The following DPYS variants were observed in gnomAD, a reference collection of about 807,000 sequenced individuals.
DPYS encodes dihydropyrimidine amidohydrolase.
In DPYS, 39 loss-of-function variants were observed where a neutral mutation model predicts 50.3. The observed-to-expected ratio is 0.78, with a 90% CI of 0.60 to 1.01. The LOEUF is 1.01. DPYS is among the 50% of genes least tolerant of loss of function. The probability of loss-of-function intolerance (pLI) is 0.00; values close to 1 mark genes in which losing one functional copy is unlikely to be tolerated. For missense variants in DPYS, 659 were observed against 680.9 expected (o/e 0.97, Z 0.36); for synonymous variants, 245 against 250.7 (o/e 0.98, Z 0.22).
intron 1 of DPYS, among the ~76,000 whole-genome samples, chr8:104,452,321 A>G (rs1360675619): frequency 6.6e-6 from 1 of 152,224 alleles, no homozygotes; most frequent in African/African-American, 2.4e-5. Context: ...TATTCAAACA[A>G]TGTAGGTGAA....
At chr8:104,462,326 G>C (rs913178383) in intron 1 of DPYS, among the ~76,000 whole-genome samples, 3 of 152,086 alleles carry the variant, frequency 2.0e-5, no homozygotes, top group Admixed American at 6.5e-5. Flanking sequence ...TTTGCAACCA[G>C]GGTTTTTGAA....
Position 104,467,046 on chromosome 8 carries a change from C to A in DPYS, c.-126G>T. 2 of 1,219,376 alleles carry A rather than the reference C, an allele frequency of 1.6e-6. No individual in the cohort carries two copies. The highest frequency in any genetic ancestry group is 2.1e-6 in the Non-Finnish European group (2 of 940,472). The allele number at this position is 1,219,376 out of a possible 1,614,324, so 75.5% of individuals were successfully genotyped here. ...GACAGCCCCCGAGCTCTGCCTCAGGCTGCAAATCCGGAGCCCGGCGGCCTG... is the reference window on the plus strand; with the variant it reads ...GACAGCCCCCGAGCTCTGCCTCAGGATGCAAATCCGGAGCCCGGCGGCCTG... On this transcript the variant is annotated 5_prime_UTR_variant, in exon 1 of 10. Coordinates refer to ENST00000351513, the MANE Select transcript of DPYS (RefSeq NM_001385.3).
chr8:104,436,160 AAC>A (rs1813138257), intron 4 of DPYS, among the ~76,000 whole-genome samples: 1 of 152,216 alleles, frequency 6.6e-6, no homozygotes, highest in South Asian at 2.1e-4. Context: ...AAGTTCAGGA[AAC>A]AGACACGCTT....
intron 7 of DPYS, among the ~76,000 whole-genome samples, chr8:104,405,333 C>T (rs1435466535): frequency 6.6e-6 from 1 of 152,222 alleles, no homozygotes; most frequent in Non-Finnish European, 1.5e-5. Flanking sequence ...CAGGTTGACG[C>T]TGACCCCACT....
chr8:104,401,033 T>C (rs1228389733), intron 7 of DPYS, among the ~76,000 whole-genome samples: 2 of 152,162 alleles, frequency 1.3e-5, no homozygotes, highest in Non-Finnish European at 2.9e-5. Context: ...CCTAGAGTAA[T>C]GTGGGTCTCC....
At chr8:104,448,247 C>T (rs1433214044) in intron 2 of DPYS, among the ~76,000 whole-genome samples, 2 of 151,924 alleles carry the variant, frequency 1.3e-5, no homozygotes, top group Non-Finnish European at 2.9e-5. Flanking sequence ...CCTCCACCTC[C>T]CAGATTCAAG....
intron 4 of DPYS, among the ~76,000 whole-genome samples, chr8:104,434,103 A>G (rs1359002425): frequency 6.6e-6 from 1 of 152,194 alleles, no homozygotes; most frequent in African/African-American, 2.4e-5. Context: ...TGTAAGCTAT[A>G]CATTGTTCTG....
chr8:104,458,955 T>C (rs1814024188), intron 1 of DPYS, among the ~76,000 whole-genome samples: 1 of 152,254 alleles, frequency 6.6e-6, no homozygotes, highest in Admixed American at 6.5e-5. Flanking sequence ...TAAAAATGAT[T>C]ACATTTTGTT....
At chr8:104,458,770 G>C (rs987730733) in intron 1 of DPYS, among the ~76,000 whole-genome samples, 23 of 152,162 alleles carry the variant, frequency 1.5e-4, no homozygotes, top group Non-Finnish European at 1.3e-4. Context: ...TGGCCCTGTA[G>C]TTTCCTAGAT....
In DPYS at chr8:104,466,763, T is replaced by C. The variant is rs1288281279; in HGVS notation, c.158A>G (p.Asp53Gly). 2 of 1,534,400 alleles carry C rather than the reference T, an allele frequency of 1.3e-6. No homozygotes were observed. Among genetic ancestry groups the C allele is most frequent in the Non-Finnish European group, 1.7e-6 (2 of 1,145,756 alleles). The change falls in exon 1 of 10, where the codon GAC becomes GGC. Residue 53 changes from aspartate to glycine, a missense_variant. Asp to Gly is a moderately conservative substitution (Grantham distance 94). Transcript: ENST00000351513. ...GGAPAGLRVL[D>G]AAGKLVLPGG... ...GGGCAGGACGAGCTTGCCGGCGGCGTCGAGGACCCGCAGCCCCGCAGGAGC... is the reference window on the plus strand; with the variant it reads ...GGGCAGGACGAGCTTGCCGGCGGCGCCGAGGACCCGCAGCCCCGCAGGAGC...
rs907739799 is a variant in DPYS, at chr8:104,385,476, TC to T, written c.1444-4163del. ...AGGCTAATTTGATTATGGTATTTTT[TC>T]CCCCCAGTACATGCTGGTCAAGATT... is the stretch of plus-strand genomic sequence containing the variant. On this transcript the variant is annotated intron_variant, in intron 8 of 9. Coordinates refer to ENST00000351513, the MANE Select transcript of DPYS (RefSeq NM_001385.3). Among the ~76,000 whole-genome samples, 119 of 152,218 alleles carry T rather than the reference TC, an allele frequency of 7.8e-4. 1 individual carries two copies. The highest frequency in any genetic ancestry group is 2.6e-3 in the African/African-American group (110 of 41,536).
At chr8:104,430,854 G>A (rs757831559) in intron 4 of DPYS, among the ~76,000 whole-genome samples, 7 of 152,066 alleles carry the variant, frequency 4.6e-5, no homozygotes, top group African/African-American at 4.8e-5. Context: ...CTTTGCTTCC[G>A]TGACATACCC....
At chr8:104,460,350 TA>T (rs1378617577) in intron 1 of DPYS, among the ~76,000 whole-genome samples, 1 of 152,058 alleles carries the variant, frequency 6.6e-6, no homozygotes, top group Admixed American at 6.6e-5. Flanking sequence ...TCTGGTTGTT[TA>T]AAAGGGTGCA....
chr8:104,444,551 GGTGTGTGTGTGTCTGT>G (rs1813465518), intron 3 of DPYS, 114 bp from the exon 4 acceptor site: 10 of 1,134,442 alleles, frequency 8.8e-6, no homozygotes, highest in Non-Finnish European at 1.3e-5. Context: ...TAGGTATAGG[GGTGTGTGTGTGTCTGT>G]GTGTGTGTGT....
chr8:104,408,642 A>G (rs1480977848), intron 7 of DPYS, among the ~76,000 whole-genome samples: 2 of 152,282 alleles, frequency 1.3e-5, no homozygotes, highest in South Asian at 4.1e-4. Context: ...AATAGCAAAA[A>G]ATTTTAAAGC....
At chr8:104,451,880 AC>A (rs1813754885) in intron 1 of DPYS, among the ~76,000 whole-genome samples, 1 of 151,888 alleles carries the variant, frequency 6.6e-6, no homozygotes, top group African/African-American at 2.4e-5. Flanking sequence ...CCAAATGGTG[AC>A]CCCTTTATCT....
At chr8:104,403,235 G>T (rs1189937463) in intron 7 of DPYS, among the ~76,000 whole-genome samples, 2 of 152,158 alleles carry the variant, frequency 1.3e-5, no homozygotes, top group Non-Finnish European at 2.9e-5. Context: ...TCCTGATCGG[G>T]TATTCCTGCA....
At chr8:104,444,178 G>A in intron 4 of DPYS, 70 bp downstream of exon 4, 1 of 1,553,430 alleles carries the variant, frequency 6.4e-7, no homozygotes, top group African/African-American at 1.4e-5. Flanking sequence ...AACTGAAGCA[G>A]AGGCTACAGA....
chr8:104,460,763 G>GCA (rs1338925612), intron 1 of DPYS, among the ~76,000 whole-genome samples: 19 of 152,072 alleles, frequency 1.2e-4, no homozygotes, highest in African/African-American at 4.6e-4. Flanking sequence ...GTTAATCTTT[G>GCA]AGTTTTTTTG....
Sources: gnomAD v4.1 joint callset for allele counts (sites outside exome capture counted in the v4.1 genomes callset) on GRCh38, gnomAD v4.1.1 for gene constraint, MANE v1.5 for transcripts, NCBI Gene and HGNC (gene_info 2026-07-23, HGNC 2026-07-21) for gene names.